The following ANKS1B variants were observed in gnomAD, a reference collection of about 807,000 sequenced individuals.
ANKS1B encodes the protein ankyrin repeat and sterile alpha motif domain containing 1B, also known as ankyrin repeat and sterile alpha motif domain-containing protein 1B.
A neutral mutation model predicts 148.3 loss-of-function variants in ANKS1B; 36 were observed. That is an observed-to-expected ratio of 0.24 (90% CI 0.19 to 0.32). ANKS1B has a LOEUF of 0.32. Among genes scored for constraint, ANKS1B ranks in the 10% least tolerant of loss-of-function variants. The probability of loss-of-function intolerance (pLI) is 1.00; values close to 1 mark genes in which losing one functional copy is unlikely to be tolerated. For missense variants in ANKS1B, 1,157 were observed against 1,542.6 expected (o/e 0.75, Z 4.19); for synonymous variants, 542 against 560.8 (o/e 0.97, Z 0.47).
chr12:99,485,518 G>C (rs2096477081), intron 10 of ANKS1B, among the ~76,000 whole-genome samples: 1 of 152,042 alleles, frequency 6.6e-6, no homozygotes, highest in Non-Finnish European at 1.5e-5. Flanking sequence ...AGAGTTATTT[G>C]AGCTTCTTGA....
At position 99,652,073 on chromosome 12, in the gene ANKS1B, G is replaced by GTATATATA. The variant is rs146772425; in HGVS notation, c.1272+2986_1272+2993dup. Among the ~76,000 whole-genome samples the GTATATATA allele has an allele frequency of 1.2e-3, 177 of 148,970 alleles. 1 individual carries two copies. The highest frequency in any genetic ancestry group is 4.1e-3 in the African/African-American group (165 of 40,618). The stretch of plus-strand genomic sequence containing the variant: ...ATATACATAAAACATGTTTACATGT[G>GTATATATA]TATATATATATATACACACACATAT... On this transcript the variant is annotated intron_variant, in intron 9 of 26. Coordinates refer to ENST00000683438, the MANE Select transcript of ANKS1B (RefSeq NM_001352186.2).
chr12:99,687,442 C>T (rs2098655902), intron 8 of ANKS1B, among the ~76,000 whole-genome samples: 1 of 152,108 alleles, frequency 6.6e-6, no homozygotes, highest in Non-Finnish European at 1.5e-5. Flanking sequence ...TTCTTCCCTC[C>T]CTTTCAGGAT....
At chr12:99,800,536 G>T in intron 4 of ANKS1B, among the ~76,000 whole-genome samples, 1 of 150,696 alleles carries the variant, frequency 6.6e-6, no homozygotes, top group East Asian at 1.9e-4. Context: ...ATAATGTAAA[G>T]TAGTGAAATT....
intron 17 of ANKS1B, among the ~76,000 whole-genome samples, chr12:98,880,479 GT>G (rs1443930874): frequency 1.3e-5 from 2 of 152,132 alleles, no homozygotes; most frequent in African/African-American, 4.8e-5. Flanking sequence ...AGATGGGTAG[GT>G]TTCTGGCCGG....
At chr12:98,942,097 C>T (rs753722841) in intron 17 of ANKS1B, among the ~76,000 whole-genome samples, 43 of 151,798 alleles carry the variant, frequency 2.8e-4, no homozygotes, top group Non-Finnish European at 5.1e-4. Context: ...AAAAATTAGC[C>T]GGGCATGGTG....
chr12:99,061,310 C>T (rs1362490811), intron 16 of ANKS1B, among the ~76,000 whole-genome samples: 1 of 152,208 alleles, frequency 6.6e-6, no homozygotes, highest in Non-Finnish European at 1.5e-5. Context: ...ACATCAGTGA[C>T]TGCAGTTCAG....
Position 99,776,320 on chromosome 12 carries a change from T to C in ANKS1B, c.848-659A>G, listed in dbSNP as rs191817986. ...AATATTGCTTACTATGGACCCAGCA[T>C]TGTTCTAAGTGTTTTGTATAAATTA... On this transcript the variant is annotated intron_variant, in intron 6 of 26. Transcript: ENST00000683438. Among the ~76,000 whole-genome samples, 8 of 152,362 alleles carry C rather than the reference T, an allele frequency of 5.3e-5. No individual in the cohort carries two copies. The East Asian group carries it at 1.5e-3, about 29-fold the overall frequency.
intron 17 of ANKS1B, among the ~76,000 whole-genome samples, chr12:98,921,986 G>A (rs1012825891): frequency 6.6e-6 from 1 of 152,160 alleles, no homozygotes; most frequent in Non-Finnish European, 1.5e-5. Flanking sequence ...AAATGTGAGG[G>A]CGATCTGCCC....
intron 17 of ANKS1B, among the ~76,000 whole-genome samples, chr12:98,952,609 T>C (rs1218018398): frequency 6.6e-6 from 1 of 152,170 alleles, no homozygotes; most frequent in African/African-American, 2.4e-5. Flanking sequence ...CCTCGTGGTT[T>C]CAATGATCAT....
chr12:99,156,725 T>C (rs2076099421), intron 14 of ANKS1B, among the ~76,000 whole-genome samples: 1 of 152,212 alleles, frequency 6.6e-6, no homozygotes, highest in African/African-American at 2.4e-5. Flanking sequence ...TTCTTCTCTG[T>C]CTTAAATGGC....
chr12:99,566,826 G>A (rs948577101), intron 9 of ANKS1B, among the ~76,000 whole-genome samples: 7 of 152,234 alleles, frequency 4.6e-5, no homozygotes, highest in African/African-American at 1.4e-4. Flanking sequence ...TCTGTCTGTG[G>A]TATTCTGTTA....
At chr12:99,449,970 C>T (rs1180865981) in intron 10 of ANKS1B, among the ~76,000 whole-genome samples, 1 of 151,930 alleles carries the variant, frequency 6.6e-6, no homozygotes, top group Non-Finnish European at 1.5e-5. Context: ...TACTGTAAGG[C>T]ATTAGCTCAT....
intron 17 of ANKS1B, among the ~76,000 whole-genome samples, chr12:98,858,324 A>G (rs1230041518): frequency 6.6e-6 from 1 of 152,208 alleles, no homozygotes; most frequent in South Asian, 2.1e-4. Context: ...GGTCAGATGA[A>G]TGTAAGAGAG....
intron 12 of ANKS1B, among the ~76,000 whole-genome samples, chr12:99,292,516 A>G (rs2080161578): frequency 6.7e-6 from 1 of 148,998 alleles, no homozygotes; most frequent in Middle Eastern, 3.4e-3. Flanking sequence ...CTCCATCTCA[A>G]AAAAAAAAAA....
intron 17 of ANKS1B, among the ~76,000 whole-genome samples, chr12:98,914,658 C>T (rs1207904101): frequency 6.6e-6 from 1 of 152,106 alleles, no homozygotes; most frequent in Non-Finnish European, 1.5e-5. Context: ...GTTGAGTGAA[C>T]ACTCCAGGCA....
chr12:99,298,025 A>G (rs778452152), intron 12 of ANKS1B, among the ~76,000 whole-genome samples: 3 of 152,100 alleles, frequency 2.0e-5, no homozygotes, highest in African/African-American at 7.2e-5. Context: ...AGACAGAAAC[A>G]ATTTGAATGA....
chr12:99,783,875 T>G (rs2064664700), intron 4 of ANKS1B, among the ~76,000 whole-genome samples: 1 of 152,134 alleles, frequency 6.6e-6, no homozygotes, highest in East Asian at 1.9e-4. Context: ...AAGAGAGGAT[T>G]TTTTAATGTT....
At chr12:99,849,187 T>C (rs1473760646) in intron 1 of ANKS1B, among the ~76,000 whole-genome samples, 1 of 151,976 alleles carries the variant, frequency 6.6e-6, no homozygotes, top group African/African-American at 2.4e-5. Flanking sequence ...AAAATAACAG[T>C]TGAAAAAAAC....
chr12:98,745,474 G>A lies in ANKS1B; in HGVS notation c.*265C>T, dbSNP rs920071125. On this transcript the variant is annotated 3_prime_UTR_variant, in exon 27 of 27. Coordinates refer to ENST00000683438, the MANE Select transcript of ANKS1B (RefSeq NM_001352186.2). ...GGAGTCATCAGAAATACCTTGGGAGGTGGTGGGGAGGGGAGTCGGGAGCAT... is the reference window on the plus strand; with the variant it reads ...GGAGTCATCAGAAATACCTTGGGAGATGGTGGGGAGGGGAGTCGGGAGCAT... The A allele has an allele frequency of 8.8e-7, 1 of 1,134,466 alleles. No individual in the cohort carries two copies. Among genetic ancestry groups the A allele is most frequent in the African/African-American group, 1.7e-5 (1 of 60,584 alleles). 70.3% of individuals were successfully genotyped at this position (1,134,466 alleles called of 1,614,324 possible). A position where few individuals can be genotyped will look rare whatever the true frequency, so the allele number is the denominator to read the frequency against.
Sources: gnomAD v4.1 joint callset for allele counts (sites outside exome capture counted in the v4.1 genomes callset) on GRCh38, gnomAD v4.1.1 for gene constraint, MANE v1.5 for transcripts, NCBI Gene and HGNC (gene_info 2026-07-23, HGNC 2026-07-21) for gene names.